KCTD2: variants seen among roughly 807,000 people sequenced by gnomAD.
The protein encoded by KCTD2 is BTB/POZ domain-containing protein KCTD2.
In KCTD2, 18 loss-of-function variants were observed where a neutral mutation model predicts 27.9. The observed-to-expected ratio is 0.64, with a 90% CI of 0.45 to 0.96. KCTD2 has a LOEUF of 0.96. Among genes scored for constraint, KCTD2 ranks in the 40% least tolerant of loss-of-function variants. KCTD2 has a pLI of 0.00. For synonymous variants in KCTD2, 175 were observed against 148.4 expected, an observed-to-expected ratio of 1.18 and a Z score of -1.30; for missense variants, 280 against 348.0, an observed-to-expected ratio of 0.80 and a Z score of 1.56.
At chr17:75,049,021 C>G in intron 1 of KCTD2, 199 bp from the exon 2 acceptor site, 1 of 479,154 alleles carries the variant, frequency 2.1e-6, no homozygotes, top group Admixed American at 3.5e-5. Context: ...TCTTAATGTA[C>G]AAGATACATA....
At chr17:75,042,596 T>C (rs767846385), upstream of KCTD2, 42 of 1,613,136 alleles carry the variant, frequency 2.6e-5, 1 homozygote, top group South Asian at 4.4e-4. Flanking sequence ...TGGGGTATGA[T>C]CTCTGCAAAA....
intron 3 of KCTD2, among the ~76,000 whole-genome samples, chr17:75,038,305 G>A (rs1179304178): frequency 6.6e-6 from 1 of 151,882 alleles, no homozygotes; most frequent in Admixed American, 6.6e-5. Context: ...ACCACGCCTG[G>A]CTAATTTCTG....
At chr17:75,048,555 G>T (rs1224518624) in intron 1 of KCTD2, among the ~76,000 whole-genome samples, 1 of 152,128 alleles carries the variant, frequency 6.6e-6, no homozygotes, top group Non-Finnish European at 1.5e-5. Flanking sequence ...TGCTTATAAA[G>T]GAATTATTTT....
chr17:75,062,693 AC>A (rs1397735522), intron 5 of KCTD2, among the ~76,000 whole-genome samples: 1 of 65,196 alleles, frequency 1.5e-5, no homozygotes, highest in African/African-American at 5.4e-5. Context: ...CACCCCCCTC[AC>A]CCCCAACACA....
In KCTD2 at chr17:75,059,595, A is replaced by C; in HGVS notation, c.626A>C (p.Lys209Thr). The C allele has an allele frequency of 6.2e-7, 1 of 1,613,612 alleles. No individual in the cohort carries two copies. Residue 209 changes from lysine to threonine, a missense_variant, in exon 4 of 6, where the codon AAA (lysine) becomes ACA (threonine). Lys to Thr is a moderately conservative substitution (Grantham distance 78). Coordinates refer to ENST00000322444, the MANE Select transcript of KCTD2 (RefSeq NM_015353.3). Reference sequence around the variant, plus strand: ...GTGTCCACGATGTCCGACGGCTGGAAATTCGAACAGGTACATCTCTTAACA... The same window carrying C: ...GTGTCCACGATGTCCGACGGCTGGACATTCGAACAGGTACATCTCTTAACA... ...QMVSTMSDGW[K>T]FEQLISIGSS...
intron 5 of KCTD2, among the ~76,000 whole-genome samples, chr17:75,062,699 AACACACACACACACACACACAC>A (rs10533801): frequency 2.6e-5 from 3 of 115,990 alleles, no homozygotes; most frequent in Non-Finnish European, 5.5e-5. Flanking sequence ...CCTCACCCCC[AACACACACACACACACACACAC>A]ACACACACAC....
At chr17:75,033,435 C>T (rs1195630091) in intron 1 of KCTD2, among the ~76,000 whole-genome samples, 1 of 151,992 alleles carries the variant, frequency 6.6e-6, no homozygotes, top group Admixed American at 6.6e-5. Flanking sequence ...ACTGGAAGAA[C>T]TTGTTCCCCC....
intron 3 of KCTD2, chr17:75,039,326 AGCT>A (rs1244339992): frequency 6.5e-7 from 1 of 1,535,158 alleles, no homozygotes; most frequent in African/African-American, 1.4e-5. Context: ...CTACCCCAGC[AGCT>A]GCTAAGGTAG....
At position 75,059,504 on chromosome 17, in the gene KCTD2, T is replaced by C. The variant is rs1362344438; in HGVS notation, c.541-6T>C. 7 of 1,610,474 alleles carry C rather than the reference T, an allele frequency of 4.3e-6. No homozygotes were observed. The highest frequency in any genetic ancestry group is 8.5e-7 in the Non-Finnish European group (1 of 1,177,634). ...GCTGTTCTCAGTCTGCGCCTGGTCATTGCAGGGCCCCGTGAAGCACGTGTA... is the reference window on the plus strand; with the variant it reads ...GCTGTTCTCAGTCTGCGCCTGGTCACTGCAGGGCCCCGTGAAGCACGTGTA... On this transcript the variant is annotated splice_region_variant and splice_polypyrimidine_tract_variant and intron_variant, in intron 3 of 5. Transcript: ENST00000322444.
At chr17:75,059,381 G>C (rs981714614) in intron 3 of KCTD2, 129 bp from the exon 4 acceptor site, 57 of 509,580 alleles carry the variant, frequency 1.1e-4, no homozygotes, top group African/African-American at 1.0e-3. Context: ...GGGGATAGTG[G>C]GTGGCTGCCA....
chr17:75,042,989 A>C (rs1163276173), upstream of KCTD2, among the ~76,000 whole-genome samples: 1 of 152,162 alleles, frequency 6.6e-6, no homozygotes, highest in Admixed American at 6.5e-5. Context: ...TGGGAGGCCA[A>C]GACGGTTGGA....
intron 1 of KCTD2, among the ~76,000 whole-genome samples, chr17:75,033,400 GTATATA>G (rs1297630286): frequency 6.6e-6 from 1 of 151,764 alleles, no homozygotes; most frequent in Non-Finnish European, 1.5e-5. Flanking sequence ...GTAGTATCTA[GTATATA>G]TATATTTCTA....
chr17:75,037,986 T>C (rs2073120042), intron 3 of KCTD2, among the ~76,000 whole-genome samples: 1 of 151,378 alleles, frequency 6.6e-6, no homozygotes, highest in Non-Finnish European at 1.5e-5. Flanking sequence ...GAGGTAAAGG[T>C]TGCAGTGAGC....
At chr17:75,043,030 T>C (rs536875321), upstream of KCTD2, among the ~76,000 whole-genome samples, 14 of 152,174 alleles carry the variant, frequency 9.2e-5, no homozygotes, top group South Asian at 2.9e-3. Flanking sequence ...GAGACCAGCA[T>C]GGCCAACATG....
At position 75,032,890 on chromosome 17, in the gene KCTD2, A is replaced by T. The variant is rs1488281661; in HGVS notation, c.-470+166A>T. 6.6e-6 allele frequency: 1 copy of T among 152,264 alleles called. No homozygotes were observed. The highest frequency in any genetic ancestry group is 2.4e-5 in the African/African-American group (1 of 41,450). The allele number at this position is 152,264 out of a possible 1,614,324, so 9.4% of individuals were successfully genotyped here. ...AAGGGGGGCATCCTCAAGGCAGTAA[A>T]CTGGAGCCAAGTGGGTTAAATCCTT... On this transcript the variant is annotated intron_variant, in intron 1 of 7. Coordinates refer to the KCTD2 transcript ENST00000581589. The surrounding 1 kb of genome is among the most constrained non-coding windows in gnomAD (Gnocchi z 4.8).
intron 3 of KCTD2, among the ~76,000 whole-genome samples, chr17:75,055,435 G>A (rs2073339170): frequency 6.6e-6 from 1 of 151,826 alleles, no homozygotes; most frequent in Non-Finnish European, 1.5e-5. Context: ...CTGGCTCTAG[G>A]CCAGGTATGG....
upstream of KCTD2, among the ~76,000 whole-genome samples, chr17:75,046,449 G>A (rs2073217479): frequency 6.6e-6 from 1 of 152,178 alleles, no homozygotes; most frequent in Non-Finnish European, 1.5e-5. Flanking sequence ...ATGCGCATAG[G>A]AGGTGCTCAA....
intron 3 of KCTD2, among the ~76,000 whole-genome samples, chr17:75,037,970 A>C (rs1157508727): frequency 6.6e-6 from 1 of 151,792 alleles, no homozygotes; most frequent in Non-Finnish European, 1.5e-5. Flanking sequence ...AATGGCATGA[A>C]CCCATGAGGT....
chr17:75,033,982 G>A (rs1166116875), intron 1 of KCTD2: 4 of 152,264 alleles, frequency 2.6e-5, no homozygotes, highest in South Asian at 4.1e-4. Flanking sequence ...TGGGGTAGAG[G>A]TGAAAGTTCC....
Sources: gnomAD v4.1 joint callset for allele counts (sites outside exome capture counted in the v4.1 genomes callset) on GRCh38, gnomAD v4.1.1 for gene constraint, Gnocchi (gnomAD v3.1) non-coding constraint, MANE v1.5 for transcripts, NCBI Gene and HGNC (gene_info 2026-07-23, HGNC 2026-07-21) for gene names.